LAMA5: variants seen among roughly 807,000 people sequenced by gnomAD.
LAMA5 encodes laminin subunit alpha-5.
A neutral mutation model predicts 433.4 loss-of-function variants in LAMA5; 260 were observed. The ratio of observed to expected loss-of-function variants is 0.60; its 90% confidence interval spans 0.54 to 0.66. The LOEUF (loss-of-function observed/expected upper bound fraction) is 0.66, where lower values mean the gene tolerates loss of function less well. Ranked by LOEUF, LAMA5 falls within the 30% of genes least tolerant of loss-of-function variation. LAMA5 has a pLI of 0.00. For missense variants in LAMA5, 5,378 were observed against 5,258.5 expected, an observed-to-expected ratio of 1.02 and a Z score of -0.70; for synonymous variants, 2,620 against 2,226.6, an observed-to-expected ratio of 1.18 and a Z score of -4.97.
At position 62,309,701 on chromosome 20, in the gene LAMA5, C is replaced by G; in HGVS notation, c.10948+15G>C. 1 of 1,513,266 alleles carries G rather than the reference C, an allele frequency of 6.6e-7. No homozygotes were observed. Among genetic ancestry groups the G allele is most frequent in the Non-Finnish European group, 8.9e-7 (1 of 1,129,452 alleles). The allele number at this position is 1,513,266 out of a possible 1,614,324, so 93.7% of individuals were successfully genotyped here. A position where few individuals can be genotyped will look rare whatever the true frequency, so the allele number is the denominator to read the frequency against. On this transcript the variant is annotated intron_variant, in intron 79 of 79. Transcript: ENST00000252999. ...GAGGGGCAGCTCCCCCACCCTTGAT[C>G]AAGGCCGCACTCACCAGGCAGGCCC...
rs746766161 is a variant in LAMA5 at position 62,313,241 on chromosome 20, C to T, written c.8802G>A (p.Ser2934=). 9 of 1,449,936 alleles carry T rather than the reference C, an allele frequency of 6.2e-6. No homozygotes were observed. The highest frequency in any genetic ancestry group is 4.8e-5 in the South Asian group (4 of 82,766). 89.8% of individuals were successfully genotyped at this position (1,449,936 alleles called of 1,614,324 possible). A position where few individuals can be genotyped will look rare whatever the true frequency, so the allele number is the denominator to read the frequency against. The change falls in exon 65 of 80, where the codon TCG becomes TCA. Residue 2934 remains serine (S), a synonymous_variant. Transcript: ENST00000252999. ...AVDRPCARSK[S]TGDPWLTDGS... The stretch of plus-strand genomic sequence containing the variant: ...CGTCCGTGAGCCACGGGTCCCCGGT[C>T]GACTTGGAGCTGCAGGTCGGAGATT...
chr20:62,334,338 C>A lies in LAMA5; in HGVS notation c.2587G>T (p.Ala863Ser), dbSNP rs1401931687. The A allele has an allele frequency of 6.3e-7, 1 of 1,598,478 alleles. No homozygotes were observed. Among genetic ancestry groups the A allele is most frequent in the Non-Finnish European group, 8.5e-7 (1 of 1,173,326 alleles). Residue 863 changes from alanine (A) to serine (S), a missense_variant, in exon 22 of 80, where the codon GCG becomes TCG. Coordinates refer to ENST00000252999, the MANE Select transcript of LAMA5 (RefSeq NM_005560.6). ...NTQGPTCSEPARDHYLPDLHH... is the reference protein window; with the variant it reads ...NTQGPTCSEPSRDHYLPDLHH... ...AGGTCCGGGAGGTAGTGGTCCCTCG[C>A]AGGCCTGGCCACAGCAGGGGCTGGT... is the stretch of plus-strand genomic sequence containing the variant.
rs1182144436 is a variant in LAMA5, at chr20:62,309,842, G to T, written c.10829-7C>A. 1.2e-6 allele frequency: 2 copies of T among 1,611,404 alleles called. No individual in the cohort carries two copies. Among genetic ancestry groups the T allele is most frequent in the African/African-American group, 2.7e-5 (2 of 74,854 alleles). On this transcript the variant is annotated splice_region_variant and splice_polypyrimidine_tract_variant and intron_variant, in intron 78 of 79. Transcript: ENST00000252999. Reference sequence around the variant, plus strand: ...ACATTCCCGCTTTTCATCACTGGGAGAAAGGGGGACTCCTGAGGCCAGGTG... The same window carrying T: ...ACATTCCCGCTTTTCATCACTGGGATAAAGGGGGACTCCTGAGGCCAGGTG...
chr20:62,311,692 C>T lies in LAMA5; in HGVS notation c.9728G>A (p.Arg3243Lys), dbSNP rs1304932905. ...CTCAGGCAGGCCTCCCAGGAGGAGC[C>T]TCGGGGGCCCCTCAGGCTGCGGCTG... ...ELQPQPEGPP[R>K]LLLGGLPESG... The change falls in exon 71 of 80, where the codon AGG becomes AAG. Residue 3243 changes from arginine (R) to lysine (K), a missense_variant. Transcript: ENST00000252999. 1.3e-6 allele frequency: 2 copies of T among 1,580,396 alleles called. No homozygotes were observed. The highest frequency in any genetic ancestry group is 1.1e-5 in the South Asian group (1 of 87,028).
In LAMA5 at chr20:62,359,605, C is replaced by G. The variant is rs1328238364; in HGVS notation, c.450+2795G>C. 6.6e-6 allele frequency among the ~76,000 whole-genome samples: 1 copy of G among 152,096 alleles called. No homozygotes were observed. Among genetic ancestry groups the G allele is most frequent in the Non-Finnish European group, 1.5e-5 (1 of 67,988 alleles). ...ATACGCAAGAACCCCCTAGAAGGAC[C>G]CCCTGGGGAAGGTCACGTCTGGAAC... is the stretch of plus-strand genomic sequence containing the variant. On this transcript the variant is annotated intron_variant, in intron 2 of 79. Coordinates refer to ENST00000252999, the MANE Select transcript of LAMA5 (RefSeq NM_005560.6). This position sits in a 1 kb window ranked among gnomAD's most constrained non-coding sequence, Gnocchi z 4.3.
At chr20:62,366,220 C>T (rs1321493998) in intron 1 of LAMA5, among the ~76,000 whole-genome samples, 1 of 152,204 alleles carries the variant, frequency 6.6e-6, no homozygotes, top group African/African-American at 2.4e-5. Context: ...GCCCCAAGAG[C>T]CTTGGTTTTC....
chr20:62,353,199 T>C lies in LAMA5; in HGVS notation c.503A>G (p.Asp168Gly). Residue 168 changes from aspartate (D) to glycine (G), a missense_variant, in exon 3 of 80, where the codon GAC becomes GGC. By Grantham distance (94) the Asp-to-Gly change is moderately conservative. Coordinates refer to ENST00000252999, the MANE Select transcript of LAMA5 (RefSeq NM_005560.6). Reference protein sequence around the residue: ...LIKFANSPRPDLWVLERSMDF... With the variant: ...LIKFANSPRPGLWVLERSMDF... ...CATGGACCGCTCCAGCACCCAGAGG[T>C]CCGGCCGGGGTGAGTTGGCAAACTT... The C allele has an allele frequency of 3.8e-6, 6 of 1,587,364 alleles. No individual in the cohort carries two copies. The highest frequency in any genetic ancestry group is 1.1e-5 in the South Asian group (1 of 87,070).
In LAMA5 at chr20:62,327,974, G is replaced by C. The variant is rs148293556; in HGVS notation, c.4689C>G (p.Thr1563=). Reference sequence around the variant, plus strand: ...GGTAGCCATGGAAGCCCGGAGAGCAGGTATCACAGCGGCGCCCAGTCACGT... The same window carrying C: ...GGTAGCCATGGAAGCCCGGAGAGCACGTATCACAGCGGCGCCCAGTCACGT... ...RPNVTGRRCD[T]CSPGFHGYPR... The change falls in exon 36 of 80, where the codon ACC becomes ACG. Residue 1563 remains threonine (T), a synonymous_variant. Transcript: ENST00000252999. 6.2e-6 allele frequency: 10 copies of C among 1,612,276 alleles called. No individual in the cohort carries two copies. The African/African-American group carries it at 1.3e-4, about 22-fold the overall frequency.
In LAMA5 at chr20:62,320,892, T is replaced by C; in HGVS notation, c.6497-2A>G. The C allele has an allele frequency of 6.2e-7, 1 of 1,603,540 alleles. No individual in the cohort carries two copies. The highest frequency in any genetic ancestry group is 8.5e-7 in the Non-Finnish European group (1 of 1,174,538). On this transcript the variant is annotated splice_acceptor_variant, in intron 48 of 79. Coordinates refer to ENST00000252999, the MANE Select transcript of LAMA5 (RefSeq NM_005560.6). LOFTEE classifies it high-confidence loss of function. ...GCAGGACCACACAGTGGTCACACAC[T>C]GCAGGCGATGTGGGGTCACAGGTCA...
chr20:62,354,934 T>TC (rs1984947463), intron 2 of LAMA5, among the ~76,000 whole-genome samples: 3 of 151,876 alleles, frequency 2.0e-5, no homozygotes, highest in Non-Finnish European at 2.9e-5. Context: ...CACGAACCTC[T>TC]CCCCCGCCTG....
chr20:62,316,712 A>G lies in LAMA5; in HGVS notation c.7715T>C (p.Leu2572Pro). ...CTGTTCCTGGAGCATGGCCTCTTCTAGTGCAGTGCTGTTGGCCAGGAGCTG... is the reference window on the plus strand; with the variant it reads ...CTGTTCCTGGAGCATGGCCTCTTCTGGTGCAGTGCTGTTGGCCAGGAGCTG... ...AQQLLANSTALEEAMLQEQQR... is the reference protein window; with the variant it reads ...AQQLLANSTAPEEAMLQEQQR... The change falls in exon 57 of 80, where the codon CTA becomes CCA. Residue 2572 changes from leucine to proline, a missense_variant. Coordinates refer to ENST00000252999, the MANE Select transcript of LAMA5 (RefSeq NM_005560.6). 6.2e-7 allele frequency: 1 copy of G among 1,609,554 alleles called. No individual in the cohort carries two copies. The highest frequency in any genetic ancestry group is 8.5e-7 in the Non-Finnish European group (1 of 1,178,044).
chr20:62,311,049 G>A lies in LAMA5; in HGVS notation c.10134C>T (p.Leu3378=), dbSNP rs747911374. ...MHVLPRSSRG[L]LLFTARLRPG... The stretch of plus-strand genomic sequence containing the variant: ...GCCTCAGACGGGCAGTGAAGAGGAG[G>A]AGGCCTCGGGAGCTTCGCGGGAGGA... Residue 3378 remains leucine, a synonymous_variant, in exon 74 of 80, where the codon CTC becomes CTT. Transcript: ENST00000252999. 5.6e-6 allele frequency: 9 copies of A among 1,602,638 alleles called. No individual in the cohort carries two copies. In the Admixed American group the frequency reaches 1.0e-4, roughly 18 times the overall value.
chr20:62,336,289 GCA>G (rs757833201), intron 18 of LAMA5, 49 bp downstream of exon 18: 4 of 1,329,614 alleles, frequency 3.0e-6, no homozygotes, highest in East Asian at 2.3e-5. Flanking sequence ...ATACTTGTGG[GCA>G]CAGTTCCCCA....
chr20:62,335,277 G>A lies in LAMA5; in HGVS notation c.2324-8C>T. Reference sequence around the variant, plus strand: ...TGAGGTCGCAGCTGCAGCCTGGGGAGAGCAGGGCAGGACTCAGATGCTTGG... The same window carrying A: ...TGAGGTCGCAGCTGCAGCCTGGGGAAAGCAGGGCAGGACTCAGATGCTTGG... On this transcript the variant is annotated splice_polypyrimidine_tract_variant and splice_region_variant and intron_variant, in intron 18 of 79. Transcript: ENST00000252999. 4 of 1,611,904 alleles carry A rather than the reference G, an allele frequency of 2.5e-6. No homozygotes were observed. The highest frequency in any genetic ancestry group is 3.4e-6 in the Non-Finnish European group (4 of 1,179,420).
Position 62,322,336 on chromosome 20 carries a change from C to A in LAMA5, c.6279G>T (p.Gly2093=). The A allele has an allele frequency of 1.3e-6, 2 of 1,597,794 alleles. No individual in the cohort carries two copies. The highest frequency in any genetic ancestry group is 1.7e-6 in the Non-Finnish European group (2 of 1,173,968). ...PQSGQCHCRP[G]TMGPQCRECA... The stretch of plus-strand genomic sequence containing the variant: ...ACTCGCGGCACTGGGGTCCCATGGT[C>A]CCTGGTCGGCAGTGGCACTGTCCGC... The change falls in exon 47 of 80, where the codon GGG becomes GGT. Residue 2093 remains glycine (G), a synonymous_variant. Coordinates refer to ENST00000252999, the MANE Select transcript of LAMA5 (RefSeq NM_005560.6).
chr20:62,366,205 A>G (rs1305195532), intron 1 of LAMA5, among the ~76,000 whole-genome samples: 1 of 152,164 alleles, frequency 6.6e-6, no homozygotes, highest in African/African-American at 2.4e-5. Flanking sequence ...ACCTAAGTCT[A>G]CAGGGCCCCA....
rs775799784 is a variant in LAMA5 at position 62,312,961 on chromosome 20, T to C, written c.9005A>G (p.Tyr3002Cys). 1.3e-6 allele frequency: 2 copies of C among 1,583,746 alleles called. No homozygotes were observed. The highest frequency in any genetic ancestry group is 1.2e-5 in the South Asian group (1 of 86,376). The change falls in exon 66 of 80, where the codon TAT becomes TGT. Residue 3002 changes from tyrosine (Y) to cysteine (C), a missense_variant. By Grantham distance (194) the Tyr-to-Cys change is radical. Coordinates refer to ENST00000252999, the MANE Select transcript of LAMA5 (RefSeq NM_005560.6). ...CTTTTTCAGGCCAGCCCCAAAGTCA[T>C]ACAACAGCACGAGGCTGCCTTCTTG... is the stretch of plus-strand genomic sequence containing the variant. ...AVQEGSLVLLYDFGAGLKKAV... is the reference protein window; with the variant it reads ...AVQEGSLVLLCDFGAGLKKAV...
intron 2 of LAMA5, among the ~76,000 whole-genome samples, chr20:62,353,604 G>A (rs140042276): frequency 7.9e-5 from 12 of 152,256 alleles, no homozygotes; most frequent in Non-Finnish European, 1.0e-4. Context: ...GCCTACCTGC[G>A]GCCCAGGCAG....
chr20:62,341,036 G>A (rs1982510551), intron 11 of LAMA5, among the ~76,000 whole-genome samples: 1 of 143,854 alleles, frequency 7.0e-6, no homozygotes, highest in African/African-American at 2.7e-5. Context: ...GAGACTCTGT[G>A]TCAAAATAAA....
Sources: gnomAD v4.1 joint callset for allele counts (sites outside exome capture counted in the v4.1 genomes callset) on GRCh38, gnomAD v4.1.1 for gene constraint, Gnocchi (gnomAD v3.1) non-coding constraint, MANE v1.5 for transcripts, NCBI Gene and HGNC (gene_info 2026-07-23, HGNC 2026-07-21) for gene names.